MEI4: variants seen among roughly 807,000 people sequenced by gnomAD.
MEI4 encodes the protein meiosis-specific protein MEI4.
Under a neutral mutation model 31.4 loss-of-function variants are expected in MEI4, and 27 were observed. The ratio of observed to expected loss-of-function variants is 0.86; its 90% CI spans 0.63 to 1.19. The LOEUF is 1.19. MEI4 is among the 50% of genes most tolerant of loss of function. The pLI is 0.00. For missense variants in MEI4, 329 were observed against 398.9 expected (o/e 0.82, Z 1.49); for synonymous variants, 122 against 145.4 (o/e 0.84, Z 1.16).
intron 4 of MEI4, among the ~76,000 whole-genome samples, chr6:77,877,153 A>G (rs746052581): frequency 3.9e-5 from 6 of 152,152 alleles, no homozygotes; most frequent in Non-Finnish European, 7.3e-5. Flanking sequence ...TATTTCACAA[A>G]GATATAAAAA....
chr6:77,873,484 A>G (rs546958378), intron 4 of MEI4, among the ~76,000 whole-genome samples: 1 of 152,108 alleles, frequency 6.6e-6, no homozygotes, highest in South Asian at 2.1e-4. Context: ...GTTTGAGTTC[A>G]TTGTAGATTC....
intron 2 of MEI4, among the ~76,000 whole-genome samples, chr6:77,696,296 A>C (rs1256809132): frequency 6.6e-6 from 1 of 152,102 alleles, no homozygotes; most frequent in African/African-American, 2.4e-5. Context: ...AACTTCCAAC[A>C]CTATGTTGAA....
At chr6:77,738,837 A>G (rs1335743269) in intron 2 of MEI4, among the ~76,000 whole-genome samples, 3 of 152,172 alleles carry the variant, frequency 2.0e-5, no homozygotes, top group Non-Finnish European at 4.4e-5. Flanking sequence ...TTCTCTAATG[A>G]GCAGTGTTGA....
At position 77,734,195 on chromosome 6, in the gene MEI4, G is replaced by C. The variant is rs573775168; in HGVS notation, c.233-26935G>C. Among the ~76,000 whole-genome samples, 5 of 152,076 alleles carry C rather than the reference G, an allele frequency of 3.3e-5. 1 individual carries two copies. The highest frequency in any genetic ancestry group is 1.2e-4 in the African/African-American group (5 of 41,372). The stretch of plus-strand genomic sequence containing the variant: ...TCCTGGGTATCCTTGTTGACTTTCT[G>C]TCTCATGATCTGTCTAATGTTGACA... On this transcript the variant is annotated intron_variant, in intron 2 of 4. Coordinates refer to ENST00000684080, the MANE Select transcript of MEI4 (RefSeq NM_001322247.2).
At chr6:77,867,783 C>T (rs1185328333) in intron 4 of MEI4, among the ~76,000 whole-genome samples, 1 of 152,112 alleles carries the variant, frequency 6.6e-6, no homozygotes, top group Non-Finnish European at 1.5e-5. Flanking sequence ...TTTATTGTGG[C>T]ACTATTCACA....
At chr6:77,691,690 T>A (rs1016639315) in intron 2 of MEI4, among the ~76,000 whole-genome samples, 1 of 152,048 alleles carries the variant, frequency 6.6e-6, no homozygotes, top group Non-Finnish European at 1.5e-5. Flanking sequence ...AATATTTTAC[T>A]GTATTGCTTA....
At chr6:77,910,236 G>A (rs1379129272) in intron 4 of MEI4, among the ~76,000 whole-genome samples, 2 of 152,028 alleles carry the variant, frequency 1.3e-5, no homozygotes, top group South Asian at 2.1e-4. Context: ...GGAAATAAAG[G>A]GCATTCAATT....
chr6:77,805,241 C>T (rs1485314222), intron 3 of MEI4, among the ~76,000 whole-genome samples: 2 of 152,024 alleles, frequency 1.3e-5, no homozygotes, highest in Admixed American at 6.6e-5. Context: ...TATTAGATAC[C>T]ATACTTCTGT....
intron 2 of MEI4, among the ~76,000 whole-genome samples, chr6:77,702,308 CTG>C (rs1766244226): frequency 1.3e-5 from 2 of 152,200 alleles, no homozygotes; most frequent in Non-Finnish European, 2.9e-5. Flanking sequence ...GGGGCATTCA[CTG>C]TTTTACAGAT....
chr6:77,667,368 C>G (rs992970329), intron 1 of MEI4, among the ~76,000 whole-genome samples: 3 of 152,134 alleles, frequency 2.0e-5, no homozygotes, highest in African/African-American at 7.2e-5. Flanking sequence ...CATATGATCT[C>G]ATTTCCATAT....
In MEI4 at chr6:77,730,666, G is replaced by A. The variant is rs572352538; in HGVS notation, c.233-30464G>A. On this transcript the variant is annotated intron_variant, in intron 2 of 4. Transcript: ENST00000684080. ...TTATACCTTAAGTTTTAGGGTACAC[G>A]TGCACAATGTGCAAGTTAGTTACAT... Among the ~76,000 whole-genome samples the A allele has an allele frequency of 1.1e-4, 17 of 151,336 alleles. No individual in the cohort carries two copies. In the South Asian group the frequency reaches 2.3e-3, roughly 20 times the overall value.
chr6:77,836,612 AAAAC>A (rs1770223869), intron 4 of MEI4, among the ~76,000 whole-genome samples: 2 of 152,124 alleles, frequency 1.3e-5, no homozygotes, highest in Admixed American at 6.6e-5. Context: ...TTACTTCTCT[AAAAC>A]AAACTAATTT....
upstream of MEI4, among the ~76,000 whole-genome samples, chr6:77,651,120 A>G (rs1768290967): frequency 6.6e-6 from 1 of 152,164 alleles, no homozygotes; most frequent in East Asian, 1.9e-4. Context: ...GATTTGATAA[A>G]GTAGTGTGGG....
At chr6:77,685,458 A>C (rs1000551480) in intron 1 of MEI4, among the ~76,000 whole-genome samples, 15 of 152,030 alleles carry the variant, frequency 9.9e-5, no homozygotes, top group African/African-American at 3.6e-4. Context: ...ACCCCTTATA[A>C]GATATGTGGT....
intron 1 of MEI4, among the ~76,000 whole-genome samples, chr6:77,682,211 G>A (rs957139382): frequency 1.3e-5 from 2 of 152,150 alleles, no homozygotes; most frequent in Non-Finnish European, 2.9e-5. Flanking sequence ...CTGCACTCAC[G>A]TGTTGCCTTA....
rs781518505 is a variant in MEI4 at position 77,882,658 on chromosome 6, C to T, written c.901-40431C>T. Reference sequence around the variant, plus strand: ...TTGAGAGGTATCAGTGACTTTCCTGCGCAGACTACTTTGTGTAGTCTACCA... The same window carrying T: ...TTGAGAGGTATCAGTGACTTTCCTGTGCAGACTACTTTGTGTAGTCTACCA... On this transcript the variant is annotated intron_variant, in intron 4 of 4. Coordinates refer to ENST00000684080, the MANE Select transcript of MEI4 (RefSeq NM_001322247.2). Among the ~76,000 whole-genome samples, 135 of 152,210 alleles carry T rather than the reference C, an allele frequency of 8.9e-4. 2 individuals are homozygous for T. The Middle Eastern group carries it at 0.014, about 15-fold the overall frequency.
chr6:77,847,103 GT>G lies in MEI4; in HGVS notation c.900+18050del, dbSNP rs141534658. ...GAGTTGAAAGGAGTGAGGGAATATTGTTTTTTTTTGGTGAGTTAATGAAAAA... is the reference window on the plus strand; with the variant it reads ...GAGTTGAAAGGAGTGAGGGAATATTGTTTTTTTTGGTGAGTTAATGAAAAA... On this transcript the variant is annotated intron_variant, in intron 4 of 4. Coordinates refer to ENST00000684080, the MANE Select transcript of MEI4 (RefSeq NM_001322247.2). This position sits in a 1 kb window ranked among gnomAD's most constrained non-coding sequence, Gnocchi z 4.6. Among the ~76,000 whole-genome samples the G allele has an allele frequency of 0.16, 24,144 of 150,468 alleles. 2,039 individuals are homozygous for G. The highest frequency in any genetic ancestry group is 0.27 in the East Asian group (1,392 of 5,118).
intron 2 of MEI4, among the ~76,000 whole-genome samples, chr6:77,734,145 C>A (rs1019719005): frequency 1.3e-5 from 2 of 151,768 alleles, no homozygotes; most frequent in African/African-American, 2.4e-5. Flanking sequence ...CTATTAGGTC[C>A]GCTTGGTGCA....
chr6:77,778,506 G>C (rs1356963397), intron 3 of MEI4, among the ~76,000 whole-genome samples: 1 of 151,908 alleles, frequency 6.6e-6, no homozygotes, highest in African/African-American at 2.4e-5. Flanking sequence ...TTGAAGACCA[G>C]TCTGGACAAC....
Sources: gnomAD v4.1 joint callset for allele counts (sites outside exome capture counted in the v4.1 genomes callset) on GRCh38, gnomAD v4.1.1 for gene constraint, Gnocchi (gnomAD v3.1) non-coding constraint, MANE v1.5 for transcripts, NCBI Gene and HGNC (gene_info 2026-07-23, HGNC 2026-07-21) for gene names.